COL22A1: variants seen among roughly 807,000 people sequenced by gnomAD.
COL22A1 encodes collagen type XXII alpha 1 chain.
A neutral mutation model predicts 248.9 loss-of-function variants in COL22A1; 221 were observed. That is an observed-to-expected ratio of 0.89 (90% CI 0.80 to 0.99). The LOEUF (loss-of-function observed/expected upper bound fraction) is 0.99, where lower values mean the gene tolerates loss of function less well. Among genes scored for constraint, COL22A1 ranks in the 50% least tolerant of loss-of-function variants. The pLI is 0.00. For missense variants in COL22A1, 2,240 were observed against 2,179.0 expected, an observed-to-expected ratio of 1.03 and a Z score of -0.56; for synonymous variants, 891 against 793.4, an observed-to-expected ratio of 1.12 and a Z score of -2.07.
At position 138,862,835 on chromosome 8, in the gene COL22A1, A is replaced by G. The variant is rs567624779; in HGVS notation, c.658+14915T>C. On this transcript the variant is annotated intron_variant, in intron 3 of 64. Coordinates refer to ENST00000303045, the MANE Select transcript of COL22A1 (RefSeq NM_152888.3). ...GCACTTGTAATGTCCTCAAGGACAC[A>G]AGGGCATCAATCAGAGAGGAGGAGA... is the stretch of plus-strand genomic sequence containing the variant. Among the ~76,000 whole-genome samples the G allele has an allele frequency of 3.6e-4, 55 of 151,734 alleles. 2 individuals are homozygous for G. The South Asian group carries it at 0.011, about 30-fold the overall frequency.
chr8:138,701,792 G>A (rs1220091029), intron 31 of COL22A1, among the ~76,000 whole-genome samples: 4 of 152,254 alleles, frequency 2.6e-5, no homozygotes, highest in Admixed American at 2.6e-4. Flanking sequence ...GTCCACATAG[G>A]TGGCCTGGGG....
Position 138,760,298 on chromosome 8 carries a change from GA to G in COL22A1, c.1858-12del. ...AGGGCCGGGCCTGCCCTGGAGGAAA[GA>G]AAGAAAAGGCAGATTATGATGGGCA... is the stretch of plus-strand genomic sequence containing the variant. On this transcript the variant is annotated splice_polypyrimidine_tract_variant and intron_variant, in intron 17 of 64. Transcript: ENST00000303045. 1 of 1,598,748 alleles carries G rather than the reference GA, an allele frequency of 6.3e-7. No homozygotes were observed. The highest frequency in any genetic ancestry group is 8.5e-7 in the Non-Finnish European group (1 of 1,172,902).
At chr8:138,754,543 A>G (rs2131357610) in intron 21 of COL22A1, among the ~76,000 whole-genome samples, 1 of 152,360 alleles carries the variant, frequency 6.6e-6, no homozygotes, top group South Asian at 2.1e-4. Flanking sequence ...ACAGCAGCAC[A>G]TTGCCAGAAG....
intron 1 of COL22A1, among the ~76,000 whole-genome samples, chr8:138,908,922 A>AG (rs1815224517): frequency 6.6e-6 from 1 of 152,208 alleles, no homozygotes; most frequent in Admixed American, 6.5e-5. Context: ...AGGTTGCCTT[A>AG]GGAGGTAGCA....
Position 138,598,718 on chromosome 8 carries a change from C to A in COL22A1, c.4365+1G>T, listed in dbSNP as rs758216905. ...GTCCAAAGCCATATTAGCATCCTTACCCTCAGTCCTGGAAATCCCGGCTGG... is the reference window on the plus strand; with the variant it reads ...GTCCAAAGCCATATTAGCATCCTTAACCTCAGTCCTGGAAATCCCGGCTGG... On this transcript the variant is annotated splice_donor_variant, in intron 61 of 64. Transcript: ENST00000303045. LOFTEE classifies it high-confidence loss of function. 1.9e-6 allele frequency: 3 copies of A among 1,612,610 alleles called. No homozygotes were observed. Among genetic ancestry groups the A allele is most frequent in the East Asian group, 4.5e-5 (2 of 44,858 alleles).
chr8:138,698,370 C>T (rs943834948), intron 32 of COL22A1, among the ~76,000 whole-genome samples: 5 of 152,172 alleles, frequency 3.3e-5, no homozygotes, highest in Non-Finnish European at 7.4e-5. Context: ...TTGGCAAGTT[C>T]CCTAGCACCT....
intron 41 of COL22A1, among the ~76,000 whole-genome samples, chr8:138,667,031 G>T (rs1425759754): frequency 6.6e-6 from 1 of 152,156 alleles, no homozygotes; most frequent in Non-Finnish European, 1.5e-5. Flanking sequence ...AGAGGAGCAG[G>T]CAGTGCCCAA....
chr8:138,716,195 C>T, intron 29 of COL22A1, 32 bp downstream of exon 29: 4 of 1,544,350 alleles, frequency 2.6e-6, no homozygotes, highest in Non-Finnish European at 3.5e-6. Flanking sequence ...GGCGAGGTTC[C>T]TGTGTGGGAG....
intron 1 of COL22A1, among the ~76,000 whole-genome samples, chr8:138,898,924 G>GAA (rs1449930527): frequency 6.6e-6 from 1 of 152,076 alleles, no homozygotes; most frequent in Non-Finnish European, 1.5e-5. Flanking sequence ...TCATCTTTAA[G>GAA]AAAACAAAAA....
chr8:138,910,443 T>C (rs1207403387), intron 1 of COL22A1, among the ~76,000 whole-genome samples: 1 of 152,180 alleles, frequency 6.6e-6, no homozygotes, highest in Non-Finnish European at 1.5e-5. Context: ...AGACCTATGT[T>C]TGAGACTCAG....
chr8:138,591,709 T>C (rs1817068876), intron 63 of COL22A1, among the ~76,000 whole-genome samples: 1 of 152,114 alleles, frequency 6.6e-6, no homozygotes, highest in Admixed American at 6.5e-5. Flanking sequence ...CACACTCACA[T>C]TCAGAAGTAT....
At position 138,646,702 on chromosome 8, in the gene COL22A1, A is replaced by G. The variant is rs567408165; in HGVS notation, c.3448-20T>C. On this transcript the variant is annotated intron_variant, in intron 46 of 64. Coordinates refer to ENST00000303045, the MANE Select transcript of COL22A1 (RefSeq NM_152888.3). ...CTCTCCCTGTATCAGGGATACAAGA[A>G]AAAAAAAGAAAACAAGAATGAGTAT... 1.2e-5 allele frequency: 19 copies of G among 1,541,934 alleles called. No homozygotes were observed. In the East Asian group the frequency reaches 2.1e-4, roughly 17 times the overall value.
At chr8:138,645,060 C>T (rs1022016309) in intron 47 of COL22A1, among the ~76,000 whole-genome samples, 18 of 152,190 alleles carry the variant, frequency 1.2e-4, no homozygotes, top group South Asian at 4.1e-4. Flanking sequence ...AGCTCATCCA[C>T]GCAAAGCTAT....
At chr8:138,683,674 T>C (rs929108788) in intron 39 of COL22A1, among the ~76,000 whole-genome samples, 13 of 152,126 alleles carry the variant, frequency 8.5e-5, no homozygotes, top group African/African-American at 3.1e-4. Context: ...AACTAAAGGA[T>C]GGAAGAGCCA....
intron 10 of COL22A1, among the ~76,000 whole-genome samples, chr8:138,805,032 T>TGTGTGTGATG (rs1817371327): frequency 7.3e-6 from 1 of 137,896 alleles, no homozygotes; most frequent in African/African-American, 3.0e-5. Context: ...TGTGTGATAG[T>TGTGTGTGATG]GTGTGTGATG....
chr8:138,808,828 A>C (rs1817942118), intron 9 of COL22A1, among the ~76,000 whole-genome samples: 2 of 152,184 alleles, frequency 1.3e-5, no homozygotes, highest in South Asian at 4.1e-4. Flanking sequence ...AAGATAAATA[A>C]TTTTTTGTGT....
In COL22A1 at chr8:138,616,922, C is replaced by A. The variant is rs769380944; in HGVS notation, c.3862G>T (p.Gly1288Cys). The change falls in exon 54 of 65, where the codon GGT (glycine) becomes TGT (cysteine). Residue 1288 changes from glycine (G) to cysteine (C), a missense_variant. Physicochemically the swap from Gly to Cys is radical, Grantham distance 159. Transcript: ENST00000303045. Reference sequence around the variant, plus strand: ...GTGAGGCGCCCACTTACCCGGGGACCGGGTGCACCAGAATCGCCTGTGTGT... The same window carrying A: ...GTGAGGCGCCCACTTACCCGGGGACAGGGTGCACCAGAATCGCCTGTGTGT... ...KGHTGDSGAP[G>C]PRGESGAMGL... 6.2e-7 allele frequency: 1 copy of A among 1,614,146 alleles called. No homozygotes were observed. The highest frequency in any genetic ancestry group is 8.5e-7 in the Non-Finnish European group (1 of 1,180,038).
intron 1 of COL22A1, among the ~76,000 whole-genome samples, chr8:138,909,898 C>T (rs144059427): frequency 3.3e-5 from 5 of 152,280 alleles, no homozygotes; most frequent in African/African-American, 4.8e-5. Flanking sequence ...ATCAAAATAC[C>T]AATGCCCTCT....
At chr8:138,625,756 C>T (rs1172806652) in intron 51 of COL22A1, among the ~76,000 whole-genome samples, 1 of 152,080 alleles carries the variant, frequency 6.6e-6, no homozygotes, top group Admixed American at 6.5e-5. Flanking sequence ...ATGGTGCATC[C>T]ATTGCGTCTA....
Sources: allele counts gnomAD v4.1 joint callset (sites outside exome capture counted in the v4.1 genomes callset), GRCh38; gene constraint gnomAD v4.1.1; transcripts MANE v1.5; gene names NCBI Gene and HGNC (gene_info 2026-07-23, HGNC 2026-07-21).